The following LRP1B variants were observed in gnomAD, a reference collection of about 807,000 sequenced individuals.
The protein encoded by LRP1B is low-density lipoprotein receptor-related protein 1B.
In LRP1B, 217 loss-of-function variants were observed where a neutral mutation model predicts 556.6. That is an observed-to-expected ratio of 0.39 (90% CI 0.35 to 0.44). The LOEUF (loss-of-function observed/expected upper bound fraction) is 0.44, where lower values mean the gene tolerates loss of function less well. Ranked by LOEUF, LRP1B falls within the 20% of genes least tolerant of loss-of-function variation. The pLI, the probability that LRP1B is intolerant of heterozygous loss-of-function variation, is 1.00. For synonymous variants in LRP1B, 2,047 were observed against 1,865.8 expected, an observed-to-expected ratio of 1.10 and a Z score of -2.50; for missense variants, 5,053 against 5,620.8, an observed-to-expected ratio of 0.90 and a Z score of 3.23.
intron 2 of LRP1B, among the ~76,000 whole-genome samples, chr2:141,588,306 C>CA (rs1559159664): frequency 6.6e-6 from 1 of 151,488 alleles, no homozygotes; most frequent in African/African-American, 2.4e-5. Context: ...GGCTCCTCTT[C>CA]ATTTTTTTTT....
intron 77 of LRP1B, among the ~76,000 whole-genome samples, chr2:140,347,491 G>A (rs1681744960): frequency 6.6e-6 from 1 of 150,488 alleles, no homozygotes; most frequent in Non-Finnish European, 1.5e-5. Context: ...GGGATCACAT[G>A]GAAAATAACC....
intron 86 of LRP1B, among the ~76,000 whole-genome samples, chr2:140,260,043 G>T (rs942895453): frequency 1.3e-5 from 2 of 151,904 alleles, no homozygotes; most frequent in Non-Finnish European, 2.9e-5. Flanking sequence ...AATAAAAGAT[G>T]CAGGCAAAAT....
intron 41 of LRP1B, among the ~76,000 whole-genome samples, chr2:140,614,626 GAAAAAGTTAT>G (rs1343298415): frequency 2.0e-5 from 3 of 152,050 alleles, no homozygotes; most frequent in Admixed American, 6.6e-5. Flanking sequence ...CAGAAGAGAA[GAAAAAGTTAT>G]AAGCTGATGG....
intron 35 of LRP1B, among the ~76,000 whole-genome samples, chr2:140,738,675 T>G (rs948435252): frequency 6.6e-6 from 1 of 152,138 alleles, no homozygotes; most frequent in Non-Finnish European, 1.5e-5. Context: ...TTCCTTCCCT[T>G]TCTCCTCCAC....
At chr2:140,515,803 T>C (rs1417444130) in intron 50 of LRP1B, among the ~76,000 whole-genome samples, 2 of 152,120 alleles carry the variant, frequency 1.3e-5, no homozygotes, top group Non-Finnish European at 2.9e-5. Context: ...TATGGCATCT[T>C]AGTAAAATAA....
At chr2:140,840,138 G>T in intron 30 of LRP1B, 53 bp from the exon 31 acceptor site, 1 of 986,500 alleles carries the variant, frequency 1.0e-6, no homozygotes, top group Non-Finnish European at 1.5e-6. Flanking sequence ...CCTACTCACT[G>T]AGAAGAAATA....
chr2:142,061,475 A>C lies in LRP1B; in HGVS notation c.82+69173T>G, dbSNP rs142121356. The stretch of plus-strand genomic sequence containing the variant: ...TAAAGTATTATGCCTACATTAAAGC[A>C]TTTGTTCCATTTAATGTTCACTAAA... On this transcript the variant is annotated intron_variant, in intron 1 of 90. Transcript: ENST00000389484. Among the ~76,000 whole-genome samples, 472 of 152,130 alleles carry C rather than the reference A, an allele frequency of 3.1e-3. 2 individuals carry two copies. The highest frequency in any genetic ancestry group is 6.3e-3 in the Admixed American group (96 of 15,244).
intron 90 of LRP1B, among the ~76,000 whole-genome samples, chr2:140,233,999 A>G (rs1243323933): frequency 6.6e-6 from 1 of 151,328 alleles, no homozygotes; most frequent in Non-Finnish European, 1.5e-5. Flanking sequence ...AAACATATAC[A>G]TACAATGTTC....
chr2:140,290,538 G>A (rs2104985229), intron 84 of LRP1B, among the ~76,000 whole-genome samples: 1 of 152,162 alleles, frequency 6.6e-6, no homozygotes, highest in Admixed American at 6.6e-5. Context: ...GAAGGGGTTG[G>A]TTCTTATGGG....
intron 1 of LRP1B, among the ~76,000 whole-genome samples, chr2:141,985,554 G>A (rs986763575): frequency 2.6e-5 from 4 of 151,706 alleles, no homozygotes; most frequent in African/African-American, 7.3e-5. Flanking sequence ...TCAGTTAGAC[G>A]TGATGTTATA....
intron 11 of LRP1B, among the ~76,000 whole-genome samples, chr2:141,037,141 A>G (rs1698557672): frequency 6.6e-6 from 1 of 151,970 alleles, no homozygotes; most frequent in African/African-American, 2.4e-5. Flanking sequence ...CATGCAGGAA[A>G]TATTGAAAAC....
At chr2:140,321,184 C>CTGGATATTCAAGA (rs1553446540) in intron 82 of LRP1B, among the ~76,000 whole-genome samples, 18 of 152,002 alleles carry the variant, frequency 1.2e-4, no homozygotes, top group Non-Finnish European at 2.5e-4. Flanking sequence ...GTCAGTCTAG[C>CTGGATATTCAAGA]TGGATATTCA....
At chr2:140,884,637 A>G (rs1693579516) in intron 24 of LRP1B, among the ~76,000 whole-genome samples, 1 of 152,238 alleles carries the variant, frequency 6.6e-6, no homozygotes, top group Non-Finnish European at 1.5e-5. Context: ...CTGAATAAAA[A>G]TAAGCATTTC....
In LRP1B at chr2:141,400,479, A is replaced by G. The variant is rs184679682; in HGVS notation, c.343+79917T>C. On this transcript the variant is annotated intron_variant, in intron 3 of 90. Coordinates refer to ENST00000389484, the MANE Select transcript of LRP1B (RefSeq NM_018557.3). ...CTCTATGTAAACTGCTGTGCTGTCC[A>G]AGGAATTATAGTAGTGGCTATTGAA... Among the ~76,000 whole-genome samples the G allele has an allele frequency of 2.4e-3, 372 of 152,348 alleles. 2 individuals are homozygous for G. The highest frequency in any genetic ancestry group is 8.3e-3 in the African/African-American group (345 of 41,592).
intron 47 of LRP1B, among the ~76,000 whole-genome samples, chr2:140,532,947 T>TATACACAC: frequency 1.0e-4 from 13 of 124,228 alleles, no homozygotes; most frequent in Non-Finnish European, 1.7e-4. Context: ...TATATATATA[T>TATACACAC]ACACATATAT....
At chr2:140,801,872 G>T (rs1690526189) in intron 32 of LRP1B, among the ~76,000 whole-genome samples, 1 of 152,124 alleles carries the variant, frequency 6.6e-6, no homozygotes, top group Non-Finnish European at 1.5e-5. Context: ...AGAGGCAACT[G>T]CTGTAGCTCC....
chr2:140,480,834 C>T (rs1381988693), intron 59 of LRP1B, among the ~76,000 whole-genome samples: 2 of 152,126 alleles, frequency 1.3e-5, no homozygotes, highest in African/African-American at 4.8e-5. Flanking sequence ...AGGCAGCTTT[C>T]TTCATTTCCA....
intron 2 of LRP1B, among the ~76,000 whole-genome samples, chr2:141,802,383 C>T (rs528913728): frequency 3.3e-5 from 5 of 152,244 alleles, no homozygotes; most frequent in African/African-American, 1.2e-4. Context: ...GCCTGAACTT[C>T]TCTCCTTTGA....
intron 9 of LRP1B, among the ~76,000 whole-genome samples, chr2:141,055,473 T>TA (rs140998615): frequency 0.02 from 3,077 of 151,884 alleles, 107 homozygotes; most frequent in African/African-American, 0.07. Context: ...AGTGAGCATT[T>TA]AAAAAAAATT....
Sources: gnomAD v4.1 joint callset for allele counts (sites outside exome capture counted in the v4.1 genomes callset) on GRCh38, gnomAD v4.1.1 for gene constraint, MANE v1.5 for transcripts, NCBI Gene and HGNC (gene_info 2026-07-23, HGNC 2026-07-21) for gene names.